Variants in GRWD1 observed in about 807,000 individuals in gnomAD.
GRWD1 encodes glutamate-rich WD repeat-containing protein 1.
Under a neutral mutation model 45.3 loss-of-function variants are expected in GRWD1, and 29 were observed. That is an observed-to-expected ratio of 0.64 (90% confidence interval 0.48 to 0.87). The LOEUF is 0.87. Ranked by LOEUF, GRWD1 falls within the 40% of genes least tolerant of loss-of-function variation. The pLI is 0.00. For synonymous variants in GRWD1, 262 were observed against 257.6 expected, an observed-to-expected ratio of 1.02 and a Z score of -0.16; for missense variants, 592 against 618.8, an observed-to-expected ratio of 0.96 and a Z score of 0.46.
rs1198213267 is a variant in GRWD1, at chr19:48,453,259, T to G, written c.*234T>G. On this transcript the variant is annotated 3_prime_UTR_variant, in exon 7 of 7. Transcript: ENST00000253237. The stretch of plus-strand genomic sequence containing the variant: ...GTAAGACCACTCCCACCCAGAGACT[T>G]GTGTGGCCTGGTGTGGCCTGTGTGT... 1.0e-5 allele frequency: 5 copies of G among 488,086 alleles called. No individual in the cohort carries two copies. Among genetic ancestry groups the G allele is most frequent in the Non-Finnish European group, 1.8e-5 (5 of 274,826 alleles). The allele number at this position is 488,086 out of a possible 1,614,324, so 30.2% of individuals were successfully genotyped here.
In GRWD1 at chr19:48,452,696, C is replaced by G. The variant is rs779330767; in HGVS notation, c.1024-12C>G. 2.6e-6 allele frequency: 4 copies of G among 1,546,006 alleles called. No individual in the cohort carries two copies. The South Asian group carries it at 3.7e-5, about 14-fold the overall frequency. ...GCATTCAGAGCCCGTTCCTCCCATC[C>G]TCTCCCTCTAGTCTGGTTCCCCAGT... On this transcript the variant is annotated splice_polypyrimidine_tract_variant and intron_variant, in intron 6 of 6. Transcript: ENST00000253237. This position sits in a 1 kb window ranked among gnomAD's most constrained non-coding sequence, Gnocchi z 5.1.
Position 48,446,757 on chromosome 19 carries a change from G to A in GRWD1, c.382G>A (p.Glu128Lys), listed in dbSNP as rs1601001786. 1 of 1,614,090 alleles carries A rather than the reference G, an allele frequency of 6.2e-7. No homozygotes were observed. The highest frequency in any genetic ancestry group is 1.3e-5 in the African/African-American group (1 of 75,042). The change falls in exon 3 of 7, where the codon GAG becomes AAG. Residue 128 changes from glutamate to lysine, a missense_variant. Physicochemically the swap from Glu to Lys is moderately conservative, Grantham distance 56 (BLOSUM62 1). Transcript: ENST00000253237. ...PSEGSDEEEEEEDEEDEEERK... is the reference protein window; with the variant it reads ...PSEGSDEEEEKEDEEDEEERK... ...AGAGGGCAGTGATGAAGAAGAAGAG[G>A]AGGAAGATGAAGAGGATGAAGAAGA...
At position 48,452,861 on chromosome 19, in the gene GRWD1, G is replaced by A. The variant is rs895089660; in HGVS notation, c.1177G>A (p.Asp393Asn). The change falls in exon 7 of 7, where the codon GAC (aspartate) becomes AAC (asparagine). Residue 393 changes from aspartate to asparagine, a missense_variant. Transcript: ENST00000253237. The surrounding 1 kb of genome is among the most constrained non-coding windows in gnomAD (Gnocchi z 5.1). The stretch of plus-strand genomic sequence containing the variant: ...AGTGGAGCGGGACCCTGAGGCGGGC[G>A]ACGTGGAGGCCGACCCCGGACTGGC... ...LAVERDPEAG[D>N]VEADPGLADL... 1.9e-6 allele frequency: 3 copies of A among 1,612,940 alleles called. No individual in the cohort carries two copies. Among genetic ancestry groups the A allele is most frequent in the Admixed American group, 3.3e-5 (2 of 59,988 alleles).
At chr19:48,449,376 G>A (rs1971445520) in intron 3 of GRWD1, among the ~76,000 whole-genome samples, 1 of 152,186 alleles carries the variant, frequency 6.6e-6, no homozygotes, top group South Asian at 2.1e-4. Flanking sequence ...ACAGGTGCGA[G>A]CCACCGCGCC....
rs1971504063 is a variant in GRWD1, at chr19:48,453,821, C to G, written c.*796C>G. On this transcript the variant is annotated 3_prime_UTR_variant, in exon 7 of 7. Coordinates refer to ENST00000253237, the MANE Select transcript of GRWD1 (RefSeq NM_031485.4). ...GCTACATGCGACCCTCTCCCCTCCT[C>G]CCTGACTTTAGAGGCTGGTGCTGTG... 1 of 152,272 alleles carries G rather than the reference C, an allele frequency of 6.6e-6. No individual in the cohort carries two copies. The highest frequency in any genetic ancestry group is 2.4e-5 in the African/African-American group (1 of 41,442). 9.4% of individuals were successfully genotyped at this position (152,272 alleles called of 1,614,324 possible).
At position 48,450,055 on chromosome 19, in the gene GRWD1, G is replaced by C. The variant is rs1971452905; in HGVS notation, c.469-258G>C. On this transcript the variant is annotated intron_variant, in intron 3 of 6. Transcript: ENST00000253237. The surrounding 1 kb of genome is among the most constrained non-coding windows in gnomAD (Gnocchi z 5.1). Reference sequence around the variant, plus strand: ...TGGGAATTGCAGCCTCAACTCCCAGGCATCCTGGGGCTCTATCCTCCCACC... The same window carrying C: ...TGGGAATTGCAGCCTCAACTCCCAGCCATCCTGGGGCTCTATCCTCCCACC... Among the ~76,000 whole-genome samples the C allele has an allele frequency of 6.6e-6, 1 of 151,856 alleles. No homozygotes were observed.
chr19:48,450,982 C>T lies in GRWD1; in HGVS notation c.826-52C>T. ...GAGTAGCCCACCGCTGGCGCTTGGG[C>T]TTCACTGCGGGCTGGGGGGCATTGG... On this transcript the variant is annotated intron_variant, in intron 5 of 6. Coordinates refer to ENST00000253237, the MANE Select transcript of GRWD1 (RefSeq NM_031485.4). This position sits in a 1 kb window ranked among gnomAD's most constrained non-coding sequence, Gnocchi z 5.1. 6.4e-7 allele frequency: 1 copy of T among 1,572,952 alleles called. No homozygotes were observed. The highest frequency in any genetic ancestry group is 8.7e-7 in the Non-Finnish European group (1 of 1,152,612).
rs568664428 is a variant in GRWD1, at chr19:48,455,818, G to C, written c.*2793G>C. 1.3e-5 allele frequency: 2 copies of C among 152,458 alleles called. No homozygotes were observed. The highest frequency in any genetic ancestry group is 4.1e-4 in the South Asian group (2 of 4,830). The allele number at this position is 152,458 out of a possible 1,614,324, so 9.4% of individuals were successfully genotyped here. A position where few individuals can be genotyped will look rare whatever the true frequency, so the allele number is the denominator to read the frequency against. The stretch of plus-strand genomic sequence containing the variant: ...TGAGCCTGTTCCCCAACTGTGAAAG[G>C]GGGTGATGATCTTCACCTCCCGGCA... On this transcript the variant is annotated 3_prime_UTR_variant, in exon 7 of 7. Coordinates refer to ENST00000253237, the MANE Select transcript of GRWD1 (RefSeq NM_031485.4).
chr19:48,451,317 GT>G, intron 6 of GRWD1, 86 bp downstream of exon 6: 1 of 1,186,548 alleles, frequency 8.4e-7, no homozygotes, highest in Non-Finnish European at 1.2e-6. Context: ...TCCTTGAATA[GT>G]TTTACACAAC....
rs911606479 is a variant in GRWD1, at chr19:48,450,500, C to G, written c.656C>G (p.Ala219Gly). The G allele has an allele frequency of 6.2e-7, 1 of 1,614,024 alleles. No homozygotes were observed. Among genetic ancestry groups the G allele is most frequent in the African/African-American group, 1.3e-5 (1 of 74,932 alleles). ...SFAGHMGEGF[A>G]LDWSPRVTGR... Reference sequence around the variant, plus strand: ...GCTGGACACATGGGCGAGGGCTTTGCCCTTGACTGGTCCCCCCGGGTGACC... The same window carrying G: ...GCTGGACACATGGGCGAGGGCTTTGGCCTTGACTGGTCCCCCCGGGTGACC... The change falls in exon 4 of 7, where the codon GCC becomes GGC. Residue 219 changes from alanine (A) to glycine (G), a missense_variant. Transcript: ENST00000253237. The surrounding 1 kb of genome is among the most constrained non-coding windows in gnomAD (Gnocchi z 5.1).
Position 48,449,890 on chromosome 19 carries a change from G to T in GRWD1, c.469-423G>T, listed in dbSNP as rs868730795. On this transcript the variant is annotated intron_variant, in intron 3 of 6. Transcript: ENST00000253237. ...CCCAGGGGAGAGGTCAGGGCTAGGG[G>T]TATTGGAAACCTCGTGGCTGGACTG... 5.5e-4 allele frequency among the ~76,000 whole-genome samples: 83 copies of T among 152,254 alleles called. 1 individual carries two copies. Among genetic ancestry groups the T allele is most frequent in the African/African-American group, 1.9e-3 (80 of 41,552 alleles).
intron 2 of GRWD1, 64 bp from the exon 3 acceptor site, chr19:48,446,617 C>T (rs923319292): frequency 1.9e-6 from 3 of 1,551,058 alleles, no homozygotes; most frequent in Admixed American, 4.0e-5. Context: ...TCTGGGTTTC[C>T]AGCCTCTCTC....
Position 48,450,070 on chromosome 19 carries a change from A to G in GRWD1, c.469-243A>G, listed in dbSNP as rs1424024698. On this transcript the variant is annotated intron_variant, in intron 3 of 6. Transcript: ENST00000253237. This position sits in a 1 kb window ranked among gnomAD's most constrained non-coding sequence, Gnocchi z 5.1. Reference sequence around the variant, plus strand: ...CAACTCCCAGGCATCCTGGGGCTCTATCCTCCCACCTCAGCTCCCCCACCC... The same window carrying G: ...CAACTCCCAGGCATCCTGGGGCTCTGTCCTCCCACCTCAGCTCCCCCACCC... Among the ~76,000 whole-genome samples, 3 of 151,688 alleles carry G rather than the reference A, an allele frequency of 2.0e-5. No individual in the cohort carries two copies. The highest frequency in any genetic ancestry group is 7.3e-5 in the African/African-American group (3 of 41,252).
In GRWD1 at chr19:48,450,110, T is replaced by C. The variant is rs1048436741; in HGVS notation, c.469-203T>C. ...CTCCCCCACCCACTCCCACCCCCTG[T>C]GGAGAGCTGTCCCAGTTACCATGCT... On this transcript the variant is annotated intron_variant, in intron 3 of 6. Transcript: ENST00000253237. This position sits in a 1 kb window ranked among gnomAD's most constrained non-coding sequence, Gnocchi z 5.1. Among the ~76,000 whole-genome samples the C allele has an allele frequency of 1.4e-5, 2 of 146,476 alleles. No individual in the cohort carries two copies. Among genetic ancestry groups the C allele is most frequent in the African/African-American group, 2.5e-5 (1 of 40,444 alleles).
At position 48,446,372 on chromosome 19, in the gene GRWD1, C is replaced by T. The variant is rs762911954; in HGVS notation, c.188-13C>T. 9.9e-6 allele frequency: 16 copies of T among 1,612,914 alleles called. No homozygotes were observed. The East Asian group carries it at 2.0e-4, about 20-fold the overall frequency. ...TCCCGTCTTAACTCGTAAACCCCGC[C>T]TTCCATCCCCAGGCGCCCCCTGTCT... On this transcript the variant is annotated splice_polypyrimidine_tract_variant and intron_variant, in intron 1 of 6. Coordinates refer to ENST00000253237, the MANE Select transcript of GRWD1 (RefSeq NM_031485.4).
At position 48,450,618 on chromosome 19, in the gene GRWD1, G is replaced by A. The variant is rs778234552; in HGVS notation, c.683-48G>A. On this transcript the variant is annotated intron_variant, in intron 4 of 6. Transcript: ENST00000253237. This position sits in a 1 kb window ranked among gnomAD's most constrained non-coding sequence, Gnocchi z 5.1. ...GCGCTTAGACTCCAAGGAGGGGAGC[G>A]AGCTGCGGCCAGGTGGGGCGAGGTC... is the stretch of plus-strand genomic sequence containing the variant. 3.7e-6 allele frequency: 6 copies of A among 1,609,932 alleles called. No individual in the cohort carries two copies. The highest frequency in any genetic ancestry group is 5.1e-6 in the Non-Finnish European group (6 of 1,177,536).
Position 48,451,117 on chromosome 19 carries a change from A to T in GRWD1, c.909A>T (p.Thr303=), listed in dbSNP as rs1292659241. 6.2e-7 allele frequency: 1 copy of T among 1,614,080 alleles called. No individual in the cohort carries two copies. The highest frequency in any genetic ancestry group is 1.1e-5 in the South Asian group (1 of 91,082). Residue 303 remains threonine (T), a synonymous_variant, in exon 6 of 7, where the codon ACA becomes ACT. Transcript: ENST00000253237. ...CCAGCAAGGCCTGCATGCTCACCAC[A>T]GCCACCGCCCATGATGGGGACGTCA... is the stretch of plus-strand genomic sequence containing the variant. ...AAPSKACMLT[T]ATAHDGDVNV...
intron 6 of GRWD1, among the ~76,000 whole-genome samples, chr19:48,451,719 G>A (rs541697546): frequency 4.6e-5 from 7 of 152,146 alleles, no homozygotes; most frequent in Non-Finnish European, 7.4e-5. Flanking sequence ...AAGTTGCAGC[G>A]TCCGGCATCC....
Position 48,450,778 on chromosome 19 carries a change from G to A in GRWD1, c.795G>A (p.Glu265=). 6.2e-7 allele frequency: 1 copy of A among 1,614,024 alleles called. No individual in the cohort carries two copies. The stretch of plus-strand genomic sequence containing the variant: ...TCGTGGGCCACACACGCTCTGTGGA[G>A]GACCTGCAGTGGTCACCGACTGAGA... ...RPFVGHTRSV[E]DLQWSPTENT... Residue 265 remains glutamate, a synonymous_variant, in exon 5 of 7, where the codon GAG becomes GAA. Coordinates refer to ENST00000253237, the MANE Select transcript of GRWD1 (RefSeq NM_031485.4). This position sits in a 1 kb window ranked among gnomAD's most constrained non-coding sequence, Gnocchi z 5.1.
Sources: allele counts gnomAD v4.1 joint callset (sites outside exome capture counted in the v4.1 genomes callset), GRCh38; gene constraint gnomAD v4.1.1; non-coding constraint Gnocchi (gnomAD v3.1); transcripts MANE v1.5; gene names NCBI Gene and HGNC (gene_info 2026-07-23, HGNC 2026-07-21).